The following LYN variants were observed in gnomAD, a reference collection of about 807,000 sequenced individuals.
LYN encodes the protein LYN proto-oncogene, Src family tyrosine kinase.
In LYN, 12 loss-of-function variants were observed where a neutral mutation model predicts 65.0. The observed-to-expected ratio is 0.18, with a 90% CI of 0.12 to 0.30. The LOEUF is 0.30. Ranked by LOEUF, LYN falls within the 10% of genes least tolerant of loss-of-function variation. The probability of loss-of-function intolerance (pLI) is 1.00; values close to 1 mark genes in which losing one functional copy is unlikely to be tolerated. For missense variants in LYN, 380 were observed against 623.2 expected (o/e 0.61, Z 4.16); for synonymous variants, 222 against 221.2 (o/e 1.00, Z -0.03).
chr8:55,936,719 C>T (rs1806447269), intron 1 of LYN, among the ~76,000 whole-genome samples: 1 of 152,022 alleles, frequency 6.6e-6, no homozygotes, highest in African/African-American at 2.4e-5. Flanking sequence ...TGTAGGGTGA[C>T]TATAATTAAA....
In LYN at chr8:55,910,682, T is replaced by C. The variant is rs189524866; in HGVS notation, c.-6+30579T>C. On this transcript the variant is annotated intron_variant, in intron 1 of 12. Transcript: ENST00000519728. The stretch of plus-strand genomic sequence containing the variant: ...GGGTTGTTAGACATAATTTCTAAGA[T>C]ATATTCAGGTTTCACTTTTGTTCTT... 1.0e-3 allele frequency among the ~76,000 whole-genome samples: 152 copies of C among 152,280 alleles called. No individual in the cohort carries two copies. In the South Asian group the frequency reaches 0.012, roughly 12 times the overall value.
intron 8 of LYN, among the ~76,000 whole-genome samples, chr8:55,954,861 A>G (rs193082442): frequency 0.018 from 2,753 of 150,068 alleles, 47 homozygotes; most frequent in Non-Finnish European, 0.029. Flanking sequence ...TAAATAAATA[A>G]ATAAATAAAT....
chr8:56,001,299 G>T (rs554765242), intron 12 of LYN, among the ~76,000 whole-genome samples: 2 of 152,180 alleles, frequency 1.3e-5, no homozygotes, highest in African/African-American at 4.8e-5. Flanking sequence ...CTAGACAGTC[G>T]ATGGATGAGA....
chr8:55,992,223 C>A (rs1808268710), intron 10 of LYN, among the ~76,000 whole-genome samples: 1 of 152,162 alleles, frequency 6.6e-6, no homozygotes, highest in Non-Finnish European at 1.5e-5. Context: ...AGAATCTCCT[C>A]ATTTGGTTTA....
intron 12 of LYN, among the ~76,000 whole-genome samples, chr8:56,006,341 G>A (rs942249234): frequency 6.6e-6 from 1 of 152,102 alleles, no homozygotes; most frequent in South Asian, 2.1e-4. Flanking sequence ...TGCCCTTTTG[G>A]AAGGAGTATG....
chr8:55,895,943 C>A (rs1805084873), intron 1 of LYN, among the ~76,000 whole-genome samples: 1 of 152,156 alleles, frequency 6.6e-6, no homozygotes, highest in African/African-American at 2.4e-5. Flanking sequence ...CTGGTAGATT[C>A]ACTCATGCAT....
chr8:55,948,709 A>G (rs978792139), intron 4 of LYN, among the ~76,000 whole-genome samples: 10 of 152,220 alleles, frequency 6.6e-5, no homozygotes, highest in South Asian at 6.2e-4. Flanking sequence ...GTTGAGAGCA[A>G]TGTTGCATAT....
intron 8 of LYN, among the ~76,000 whole-genome samples, chr8:55,958,017 T>G (rs1309830539): frequency 6.6e-6 from 1 of 152,166 alleles, no homozygotes; most frequent in African/African-American, 2.4e-5. Context: ...TGCTGTCAGC[T>G]GTGGTGTCAG....
chr8:55,892,381 T>C (rs1438820589), intron 1 of LYN, among the ~76,000 whole-genome samples: 4 of 152,138 alleles, frequency 2.6e-5, no homozygotes, highest in African/African-American at 9.7e-5. Flanking sequence ...GACCACGCCG[T>C]TGGACTCCTG....
chr8:55,894,798 G>T (rs545341988), intron 1 of LYN, among the ~76,000 whole-genome samples: 4 of 152,014 alleles, frequency 2.6e-5, no homozygotes, highest in Non-Finnish European at 2.9e-5. Context: ...GCCTCCCAAA[G>T]TTCTGGGATT....
rs942035181 is a variant in LYN, at chr8:55,880,043, C to G, written c.-66C>G. The G allele has an allele frequency of 1.3e-5, 4 of 313,774 alleles. No homozygotes were observed. The highest frequency in any genetic ancestry group is 4.6e-5 in the African/African-American group (2 of 43,736). 19.4% of individuals were successfully genotyped at this position (313,774 alleles called of 1,614,324 possible). On this transcript the variant is annotated 5_prime_UTR_variant, in exon 1 of 13. Transcript: ENST00000519728. ...TCCTGCTGGGCCGCCCCGTCGCGCC[C>G]CCCACTCTGAACTCAAGTCACCGTG...
At chr8:55,985,835 G>T (rs1011646735) in intron 10 of LYN, among the ~76,000 whole-genome samples, 1 of 152,132 alleles carries the variant, frequency 6.6e-6, no homozygotes, top group South Asian at 2.1e-4. Context: ...GTCAGTTCTC[G>T]TAAGCTAATG....
At chr8:55,894,956 T>C (rs1442292864) in intron 1 of LYN, among the ~76,000 whole-genome samples, 2 of 152,112 alleles carry the variant, frequency 1.3e-5, no homozygotes, top group African/African-American at 2.4e-5. Flanking sequence ...GTGCTGGGAT[T>C]ACAGGTGTGA....
At chr8:55,964,553 T>TA in intron 8 of LYN, among the ~76,000 whole-genome samples, 2 of 152,316 alleles carry the variant, frequency 1.3e-5, no homozygotes, top group Middle Eastern at 3.4e-3. Flanking sequence ...CTTTATTATT[T>TA]AAAAAAATCA....
intron 10 of LYN, among the ~76,000 whole-genome samples, chr8:55,973,343 A>G (rs761253224): frequency 3.3e-5 from 5 of 152,214 alleles, no homozygotes; most frequent in African/African-American, 4.8e-5. Context: ...TAGCCCATTC[A>G]ACATAGATCA....
chr8:55,994,416 G>A (rs1328335891), intron 10 of LYN, among the ~76,000 whole-genome samples: 1 of 152,116 alleles, frequency 6.6e-6, no homozygotes, highest in Admixed American at 6.6e-5. Flanking sequence ...AATACACTAG[G>A]TTTGTTGCAA....
intron 12 of LYN, among the ~76,000 whole-genome samples, chr8:56,000,470 T>C (rs1199767743): frequency 6.6e-6 from 1 of 152,100 alleles, no homozygotes; most frequent in Non-Finnish European, 1.5e-5. Flanking sequence ...GGCTTACACC[T>C]GTAATCCCAG....
Position 55,953,855 on chromosome 8 carries a change from A to C in LYN, c.661A>C (p.Arg221=), listed in dbSNP as rs1807023718. 1.2e-6 allele frequency: 2 copies of C among 1,614,054 alleles called. No homozygotes were observed. The highest frequency in any genetic ancestry group is 1.7e-6 in the Non-Finnish European group (2 of 1,179,978). ...YQKQADGLCR[R]LEKACISPKP... Reference sequence around the variant, plus strand: ...AGAGCAGGCAGATGGCTTGTGCAGAAGATTGGAGAAGGCTTGTATTAGTCC... The same window carrying C: ...AGAGCAGGCAGATGGCTTGTGCAGACGATTGGAGAAGGCTTGTATTAGTCC... The change falls in exon 8 of 13, where the codon AGA becomes CGA. Residue 221 remains arginine (R), a synonymous_variant. Transcript: ENST00000519728.
chr8:55,911,746 G>A (rs1216301750), intron 1 of LYN, among the ~76,000 whole-genome samples: 1 of 152,170 alleles, frequency 6.6e-6, no homozygotes. Flanking sequence ...GATAGGTTTT[G>A]CATGTCCGTG....
Sources: gnomAD v4.1 joint callset for allele counts (sites outside exome capture counted in the v4.1 genomes callset) on GRCh38, gnomAD v4.1.1 for gene constraint, MANE v1.5 for transcripts, NCBI Gene and HGNC (gene_info 2026-07-23, HGNC 2026-07-21) for gene names.